The following KDM1A variants were observed in gnomAD, a reference collection of about 807,000 sequenced individuals.
KDM1A encodes lysine demethylase 1A.
KDM1A carries 49 observed loss-of-function variants against 109.4 expected under a neutral mutation model. That is an observed-to-expected ratio of 0.45 (90% CI 0.36 to 0.57). The LOEUF (loss-of-function observed/expected upper bound fraction) is 0.57. Ranked by LOEUF, KDM1A falls within the 20% of genes least tolerant of loss-of-function variation. The pLI is 0.00. For synonymous variants in KDM1A, 380 were observed against 415.4 expected, an observed-to-expected ratio of 0.91 and a Z score of 1.04; for missense variants, 668 against 1,116.6, an observed-to-expected ratio of 0.60 and a Z score of 5.73.
Position 23,079,106 on chromosome 1 carries a change from C to G in KDM1A, c.1984C>G (p.Gln662Glu). The change falls in exon 17 of 21, where the codon CAG (glutamine) becomes GAG (glutamate). Residue 662 changes from glutamine (Q) to glutamate (E), a missense_variant. Gln to Glu is a conservative substitution (Grantham distance 29, BLOSUM62 2). Transcript: ENST00000400181. This position sits in a 1 kb window ranked among gnomAD's most constrained non-coding sequence, Gnocchi z 5.6. ...GVLKQQPPAV[Q>E]FVPPLPEWKT... ...GCTGAAGCAGCAGCCACCAGCCGTT[C>G]AGTTTGTGCCACCTCTCCCTGAGTG... is the stretch of plus-strand genomic sequence containing the variant. 3 of 1,614,208 alleles carry G rather than the reference C, an allele frequency of 1.9e-6. No individual in the cohort carries two copies. Among genetic ancestry groups the G allele is most frequent in the Non-Finnish European group, 2.5e-6 (3 of 1,180,030 alleles).
intron 2 of KDM1A, among the ~76,000 whole-genome samples, chr1:23,040,126 G>T (rs988088783): frequency 6.6e-6 from 1 of 151,972 alleles, no homozygotes; most frequent in East Asian, 1.9e-4. Flanking sequence ...TTGGAAAATC[G>T]TTGCTTCCTA....
chr1:23,038,751 T>G (rs961986104), intron 2 of KDM1A, among the ~76,000 whole-genome samples: 3 of 152,234 alleles, frequency 2.0e-5, no homozygotes, highest in Admixed American at 2.0e-4. Context: ...TATTGTTCTT[T>G]CAGCAGTTCA....
At chr1:23,075,533 T>C (rs540709190) in intron 15 of KDM1A, among the ~76,000 whole-genome samples, 4 of 150,744 alleles carry the variant, frequency 2.7e-5, no homozygotes, top group Admixed American at 2.6e-4. Flanking sequence ...ATCGCGCCAT[T>C]GCACTCCAGC....
intron 15 of KDM1A, 30 bp downstream of exon 15, chr1:23,073,433 C>G: frequency 8.1e-7 from 1 of 1,231,988 alleles, no homozygotes; most frequent in African/African-American, 1.5e-5. Flanking sequence ...TATTTTATTG[C>G]ACATGCCTTT....
chr1:23,067,600 A>G (rs1333421284), intron 10 of KDM1A, among the ~76,000 whole-genome samples: 1 of 152,198 alleles, frequency 6.6e-6, no homozygotes, highest in African/African-American at 2.4e-5. Context: ...TTTTAGGTTG[A>G]CTGTATAATG....
chr1:23,081,738 GA>G, intron 19 of KDM1A, 165 bp downstream of exon 19: 1 of 788,448 alleles, frequency 1.3e-6, no homozygotes. Context: ...GTGGGGTTCA[GA>G]AAACCCCCCA....
intron 14 of KDM1A, among the ~76,000 whole-genome samples, chr1:23,072,705 A>ATG (rs1382981223): frequency 1.3e-5 from 2 of 152,106 alleles, no homozygotes; most frequent in Non-Finnish European, 2.9e-5. Context: ...GAGTGCAATG[A>ATG]TGTGATCTCA....
chr1:23,050,030 C>CT (rs1642619177), intron 3 of KDM1A, among the ~76,000 whole-genome samples: 1 of 152,252 alleles, frequency 6.6e-6, no homozygotes, highest in Admixed American at 6.5e-5. Context: ...GCTTCTTTTG[C>CT]TTTCCTGTTA....
chr1:23,032,372 T>G (rs1009125741), intron 2 of KDM1A, among the ~76,000 whole-genome samples: 1 of 151,698 alleles, frequency 6.6e-6, no homozygotes, highest in African/African-American at 2.4e-5. Flanking sequence ...TTTTTTTTTT[T>G]AATTTCATAA....
At chr1:23,069,308 C>T (rs1643251496) in intron 12 of KDM1A, among the ~76,000 whole-genome samples, 157 bp downstream of exon 12, 1 of 152,124 alleles carries the variant, frequency 6.6e-6, no homozygotes, top group African/African-American at 2.4e-5. Flanking sequence ...ACGAAAGAGA[C>T]TGTTTTATCT....
At chr1:23,060,396 A>C (rs1362785765) in intron 9 of KDM1A, among the ~76,000 whole-genome samples, 2 of 152,170 alleles carry the variant, frequency 1.3e-5, no homozygotes, top group South Asian at 2.1e-4. Flanking sequence ...CCATTCCTGC[A>C]CTTTTGAGTC....
intron 9 of KDM1A, among the ~76,000 whole-genome samples, chr1:23,063,941 G>A (rs2124494974): frequency 6.6e-6 from 1 of 152,298 alleles, no homozygotes; most frequent in East Asian, 1.9e-4. Flanking sequence ...AGGCTGAAGT[G>A]CAGTGGCACA....
chr1:23,061,608 C>G (rs559632371), intron 9 of KDM1A, among the ~76,000 whole-genome samples: 6 of 151,784 alleles, frequency 4.0e-5, no homozygotes, highest in African/African-American at 1.2e-4. Flanking sequence ...ACTGCTGTCT[C>G]CAGTAGTCTG....
chr1:23,068,800 A>G, intron 11 of KDM1A, 119 bp downstream of exon 11: 3 of 856,284 alleles, frequency 3.5e-6, no homozygotes, highest in Non-Finnish European at 5.1e-6. Flanking sequence ...TTTGTATGAA[A>G]CCATTGAATC....
In KDM1A at chr1:23,050,560, A is replaced by T. The variant is rs201226131; in HGVS notation, c.711+40A>T. ...CAGCTTTTTCACCTGGATTATAAAA[A>T]GTATATATGGCTTTGATAGAGAATA... is the stretch of plus-strand genomic sequence containing the variant. On this transcript the variant is annotated intron_variant, in intron 4 of 20. Coordinates refer to ENST00000400181, the MANE Select transcript of KDM1A (RefSeq NM_001009999.3). The T allele has an allele frequency of 5.8e-6, 9 of 1,538,672 alleles. No individual in the cohort carries two copies. The East Asian group carries it at 1.9e-4, about 32-fold the overall frequency.
At position 23,055,302 on chromosome 1, in the gene KDM1A, A is replaced by AT. The variant is rs11380187; in HGVS notation, c.883+141_883+142insT. The AT allele has an allele frequency of 0.81, 325,146 of 400,272 alleles. 133,142 individuals are homozygous for AT. Among genetic ancestry groups the AT allele is most frequent in the Non-Finnish European group, 0.83 (190,012 of 228,116 alleles). The allele number at this position is 400,272 out of a possible 1,614,324, so 24.8% of individuals were successfully genotyped here. The stretch of plus-strand genomic sequence containing the variant: ...AAAATATTTCCAAGTTTATCTTCTT[A>AT]AAGTCAAGTTAAATATAATAAATAA... On this transcript the variant is annotated intron_variant, in intron 6 of 20. Coordinates refer to ENST00000400181, the MANE Select transcript of KDM1A (RefSeq NM_001009999.3).
intron 18 of KDM1A, among the ~76,000 whole-genome samples, chr1:23,080,262 C>T (rs1317744060): frequency 6.6e-6 from 1 of 152,164 alleles, no homozygotes; most frequent in Admixed American, 6.5e-5. Context: ...TGGTCTTTCA[C>T]ACCCCAGAGC....
At chr1:23,033,884 ATC>A (rs1642065355) in intron 2 of KDM1A, among the ~76,000 whole-genome samples, 1 of 152,240 alleles carries the variant, frequency 6.6e-6, no homozygotes, top group Non-Finnish European at 1.5e-5. Context: ...GGAAAGACCA[ATC>A]TCATGCTAAG....
At chr1:23,058,289 C>T (rs1642896127) in intron 8 of KDM1A, among the ~76,000 whole-genome samples, 1 of 152,058 alleles carries the variant, frequency 6.6e-6, no homozygotes, top group African/African-American at 2.4e-5. Flanking sequence ...GGAATTACAG[C>T]ACTGGTCTCA....
Sources: allele counts gnomAD v4.1 joint callset (sites outside exome capture counted in the v4.1 genomes callset), GRCh38; gene constraint gnomAD v4.1.1; non-coding constraint Gnocchi (gnomAD v3.1); transcripts MANE v1.5; gene names NCBI Gene and HGNC (gene_info 2026-07-23, HGNC 2026-07-21).